The following TNRC6C variants were observed in gnomAD, a reference collection of about 807,000 sequenced individuals.
TNRC6C encodes trinucleotide repeat containing adaptor 6C.
TNRC6C carries 20 observed loss-of-function variants against 153.7 expected under a neutral mutation model. The observed-to-expected ratio is 0.13, with a 90% confidence interval of 0.09 to 0.19. The LOEUF is 0.19. Ranked by LOEUF, TNRC6C falls within the 10% of genes least tolerant of loss-of-function variation. The pLI is 1.00. For synonymous variants in TNRC6C, 811 were observed against 841.4 expected (o/e 0.96, Z 0.63); for missense variants, 1,987 against 2,172.0 (o/e 0.91, Z 1.69).
intron 1 of TNRC6C, among the ~76,000 whole-genome samples, chr17:77,978,798 A>G (rs1226951222): frequency 6.6e-6 from 1 of 152,172 alleles, no homozygotes; most frequent in Non-Finnish European, 1.5e-5. Context: ...TTTTTACCCT[A>G]GGTGTATGGT....
exon 13 of TNRC6C, chr17:78,086,957 G>A (rs758584879): frequency 3.7e-6 from 6 of 1,613,208 alleles, no homozygotes; most frequent in African/African-American, 2.7e-5. Flanking sequence ...CGCCCCCGCC[G>A]CACCTGTCTC....
chr17:77,969,083 C>T (rs1393194764), intron 1 of TNRC6C, among the ~76,000 whole-genome samples: 4 of 152,146 alleles, frequency 2.6e-5, no homozygotes, highest in Non-Finnish European at 4.4e-5. Context: ...CTACCATGTG[C>T]CAAGTACAGA....
intron 2 of TNRC6C, among the ~76,000 whole-genome samples, chr17:78,045,304 A>T (rs2072385544): frequency 6.6e-6 from 1 of 152,208 alleles, no homozygotes; most frequent in African/African-American, 2.4e-5. Context: ...TGTAAACTCA[A>T]CAGGCATGAC....
chr17:78,048,518 T>C (rs947254771), intron 2 of TNRC6C, among the ~76,000 whole-genome samples: 1 of 152,200 alleles, frequency 6.6e-6, no homozygotes, highest in African/African-American at 2.4e-5. Flanking sequence ...TTTATAGGAG[T>C]TGCAAAGTCA....
Position 78,067,905 on chromosome 17 carries a change from CA to C in TNRC6C, c.2766del (p.Gly923AspfsTer6). ...CCTGCAGCTCCTGGGGGAACGCCCC[CA>C]AAAAAGGACTTCAAAAGGTAAGTAC... On this transcript the variant is annotated frameshift_variant, in exon 5 of 20. Transcript: ENST00000301624. LOFTEE classifies it high-confidence loss of function. The C allele has an allele frequency of 6.3e-7, 1 of 1,591,344 alleles. No individual in the cohort carries two copies. Among genetic ancestry groups the C allele is most frequent in the Non-Finnish European group, 8.6e-7 (1 of 1,169,006 alleles).
intron 1 of TNRC6C, among the ~76,000 whole-genome samples, chr17:78,012,296 T>A (rs2071647684): frequency 6.6e-6 from 1 of 152,168 alleles, no homozygotes; most frequent in Non-Finnish European, 1.5e-5. Flanking sequence ...AGAGATCAGT[T>A]CCCTGTTCTC....
intron 7 of TNRC6C, among the ~76,000 whole-genome samples, chr17:78,073,672 A>G (rs1358850083): frequency 6.6e-6 from 1 of 152,208 alleles, no homozygotes; most frequent in Non-Finnish European, 1.5e-5. Context: ...CTCCTAGGAG[A>G]CATACAGGGT....
rs754932733 is a variant in TNRC6C, at chr17:78,067,856, C to T, written c.2711C>T (p.Ala904Val). The change falls in exon 5 of 20, where the codon GCT (alanine) becomes GTT (valine). Residue 904 changes from alanine to valine, a missense_variant. By Grantham distance (64) the Ala-to-Val change is moderately conservative. Coordinates refer to ENST00000301624, the Ensembl canonical transcript of TNRC6C. The stretch of plus-strand genomic sequence containing the variant: ...GAAGAAGGGGACGTGTGGAATAATG[C>T]TGCTTCCCAAGAAAGCACCTCCTCC... The T allele has an allele frequency of 3.7e-6, 6 of 1,613,932 alleles. No individual in the cohort carries two copies. In the Admixed American group the frequency reaches 8.3e-5, roughly 22 times the overall value.
chr17:78,003,350 GA>G (rs1329281068), upstream of TNRC6C, among the ~76,000 whole-genome samples: 1 of 152,026 alleles, frequency 6.6e-6, no homozygotes, highest in Admixed American at 6.6e-5. Flanking sequence ...TCCAGAGAAG[GA>G]AAAAAGATAT....
intron 16 of TNRC6C, among the ~76,000 whole-genome samples, chr17:78,096,791 G>A (rs1299949070): frequency 2.6e-5 from 4 of 152,166 alleles, no homozygotes; most frequent in Admixed American, 1.3e-4. Flanking sequence ...TTCCATCCTC[G>A]CTCTTCTTCT....
rs2073215670 is a variant in TNRC6C, at chr17:78,083,244, T to C, written c.3477+78T>C. The C allele has an allele frequency of 1.9e-6, 3 of 1,581,010 alleles. No individual in the cohort carries two copies. The Admixed American group carries it at 5.2e-5, about 27-fold the overall frequency. On this transcript the variant is annotated intron_variant, in intron 11 of 19. Coordinates refer to ENST00000301624, the Ensembl canonical transcript of TNRC6C. ...CGGCACCTGCTGAGAGCAGCAGTTG[T>C]GATAATGTTTGTCTTCACGTCAGGG...
rs567730966 is a variant in TNRC6C, at chr17:77,965,741, G to A, written c.-38+6473G>A. Reference sequence around the variant, plus strand: ...GAACGCCACATACACATATTAAAAAGTTGACAAAAACCTAAGGTAATAGAT... The same window carrying A: ...GAACGCCACATACACATATTAAAAAATTGACAAAAACCTAAGGTAATAGAT... On this transcript the variant is annotated intron_variant, in intron 1 of 22. Coordinates refer to the TNRC6C transcript ENST00000636222. 1.6e-4 allele frequency among the ~76,000 whole-genome samples: 25 copies of A among 152,318 alleles called. No individual in the cohort carries two copies. The South Asian group carries it at 5.2e-3, about 32-fold the overall frequency.
chr17:78,076,437 A>G (rs1279917778), intron 8 of TNRC6C, among the ~76,000 whole-genome samples: 2 of 152,150 alleles, frequency 1.3e-5, no homozygotes, highest in African/African-American at 4.8e-5. Context: ...ACAGATAAAT[A>G]ATTTTTGAAA....
At chr17:78,092,354 A>C (rs754475470) in intron 14 of TNRC6C, among the ~76,000 whole-genome samples, 1 of 152,290 alleles carries the variant, frequency 6.6e-6, no homozygotes, top group South Asian at 2.1e-4. Flanking sequence ...TTCTGTATGA[A>C]TTTTTAACAT....
intron 1 of TNRC6C, among the ~76,000 whole-genome samples, chr17:78,018,419 A>G (rs111965938): frequency 1.2e-3 from 185 of 152,274 alleles, no homozygotes; most frequent in African/African-American, 4.5e-3. Flanking sequence ...GTGAGCCACC[A>G]TGCCCAGCCG....
At chr17:77,994,739 A>G (rs2143099308) in intron 1 of TNRC6C, among the ~76,000 whole-genome samples, 1 of 152,270 alleles carries the variant, frequency 6.6e-6, no homozygotes, top group Middle Eastern at 3.4e-3. Flanking sequence ...AATACCATGA[A>G]GTTTAAAAAA....
At chr17:78,086,860 G>A (rs890143714) in exon 13 of TNRC6C, 26 of 1,611,552 alleles carry the variant, frequency 1.6e-5, no homozygotes, top group Non-Finnish European at 2.1e-5. Context: ...CAGGTTGCGC[G>A]CACAATCACT....
chr17:78,086,478 T>A (rs780452172), intron 11 of TNRC6C, 25 bp from the exon 14 acceptor site: 1 of 1,605,598 alleles, frequency 6.2e-7, no homozygotes, highest in Admixed American at 1.7e-5. Context: ...TATCATACTA[T>A]TTTAACTCTT....
chr17:78,003,555 TAA>T (rs932378349), upstream of TNRC6C, among the ~76,000 whole-genome samples: 1 of 151,982 alleles, frequency 6.6e-6, no homozygotes, highest in Non-Finnish European at 1.5e-5. Flanking sequence ...GAAGCACCAA[TAA>T]AAGAGTAGAA....
Sources: allele counts gnomAD v4.1 joint callset (sites outside exome capture counted in the v4.1 genomes callset), GRCh38; gene constraint gnomAD v4.1.1; transcripts MANE v1.5; gene names NCBI Gene and HGNC (gene_info 2026-07-23, HGNC 2026-07-21).